Variants in MADD observed in about 807,000 individuals in gnomAD.
MADD encodes MAP kinase activating death domain.
MADD carries 109 observed loss-of-function variants against 176.7 expected under a neutral mutation model. That is an observed-to-expected ratio of 0.62 (90% CI 0.53 to 0.72). MADD has a LOEUF of 0.72. Among genes scored for constraint, MADD ranks in the 30% least tolerant of loss-of-function variants. The probability of loss-of-function intolerance (pLI) is 0.00; values close to 1 mark genes in which losing one functional copy is unlikely to be tolerated. For synonymous variants in MADD, 771 were observed against 771.3 expected (o/e 1.00, Z 0.01); for missense variants, 1,914 against 2,045.5 (o/e 0.94, Z 1.24).
At chr11:47,276,790 C>A in exon 5 of MADD, 1 of 1,614,176 alleles carries the variant, frequency 6.2e-7, no homozygotes, top group South Asian at 1.1e-5. Flanking sequence ...GCATTCGTGG[C>A]AATGATCTAC....
At chr11:47,280,443 A>C (rs1206229286) in intron 7 of MADD, among the ~76,000 whole-genome samples, 1 of 152,190 alleles carries the variant, frequency 6.6e-6, no homozygotes, top group East Asian at 1.9e-4. Context: ...GGGAATTTTA[A>C]GTTCAGAAAG....
At chr11:47,323,248 A>AAG in intron 27 of MADD, among the ~76,000 whole-genome samples, 1 of 151,878 alleles carries the variant, frequency 6.6e-6, no homozygotes, top group East Asian at 1.9e-4. Flanking sequence ...AAAAAAAAAA[A>AAG]AAAAAAATTA....
At chr11:47,314,498 T>C (rs2091950356) in intron 26 of MADD, among the ~76,000 whole-genome samples, 1 of 151,952 alleles carries the variant, frequency 6.6e-6, no homozygotes, top group Non-Finnish European at 1.5e-5. Context: ...TTCCAGGTAC[T>C]TGGGAGGCTG....
chr11:47,290,253 C>G, exon 18 of MADD: 1 of 1,614,142 alleles, frequency 6.2e-7, no homozygotes, highest in Non-Finnish European at 8.5e-7. Context: ...GCATGGCCAG[C>G]ATCTTTGGGC....
chr11:47,289,570 C>CA, intron 16 of MADD, 77 bp downstream of exon 17: 1 of 1,210,974 alleles, frequency 8.3e-7, no homozygotes, highest in South Asian at 1.2e-5. Context: ...TAGGGATGCT[C>CA]AAGAGTGGGA....
chr11:47,273,423 C>G (rs1438017927), intron 1 of MADD, among the ~76,000 whole-genome samples: 2 of 152,178 alleles, frequency 1.3e-5, no homozygotes. Context: ...ACCACAGCCT[C>G]CACCTCCTGG....
At chr11:47,326,462 G>A in intron 30 of MADD, 82 bp from the exon 34 acceptor site, 1 of 1,196,144 alleles carries the variant, frequency 8.4e-7, no homozygotes, top group Non-Finnish European at 1.1e-6. Flanking sequence ...GGCAGCCCAG[G>A]CCAGCAGCAG....
At chr11:47,290,160 G>C in exon 18 of MADD, 1 of 1,614,180 alleles carries the variant, frequency 6.2e-7, no homozygotes, top group South Asian at 1.1e-5. Flanking sequence ...AGATCAGTCG[G>C]AAGGTGTACA....
chr11:47,290,497 T>C (rs1015758241), intron 18 of MADD, 113 bp from the exon 20 acceptor site: 5 of 1,281,926 alleles, frequency 3.9e-6, no homozygotes, highest in Admixed American at 2.3e-5. Context: ...AGCTCATCTT[T>C]CCTTGAACTT....
chr11:47,323,901 T>C lies in MADD; in HGVS notation c.4362+66T>C, dbSNP rs531123367. 66 of 1,554,308 alleles carry C rather than the reference T, an allele frequency of 4.2e-5. No homozygotes were observed. The Middle Eastern group carries it at 8.5e-4, about 20-fold the overall frequency. Reference sequence around the variant, plus strand: ...GAAGACCAAATAGTGAATTTCTCTTTGGGAAGTTAAAATTCCAAAACACAC... The same window carrying C: ...GAAGACCAAATAGTGAATTTCTCTTCGGGAAGTTAAAATTCCAAAACACAC... On this transcript the variant is annotated intron_variant, in intron 28 of 32. Transcript: ENST00000402192.
intron 6 of MADD, 53 bp downstream of exon 6, chr11:47,278,331 A>G: frequency 1.5e-6 from 2 of 1,304,306 alleles, no homozygotes; most frequent in Non-Finnish European, 2.2e-6. Context: ...TGCATTCTAG[A>G]CCCAGTCCTG....
chr11:47,275,694 CAGTA>C (rs2049094366), intron 3 of MADD, among the ~76,000 whole-genome samples: 1 of 152,224 alleles, frequency 6.6e-6, no homozygotes, highest in African/African-American at 2.4e-5. Context: ...GTGGTTAGGA[CAGTA>C]AGTCTTACCC....
chr11:47,285,623 T>A, intron 14 of MADD, 33 bp downstream of exon 14: 1 of 1,613,058 alleles, frequency 6.2e-7, no homozygotes, highest in Non-Finnish European at 8.5e-7. Flanking sequence ...CTCACTCCTG[T>A]GTTCCATTTT....
exon 33 of MADD, chr11:47,329,683 C>T (rs898032655): frequency 6.3e-6 from 1 of 159,022 alleles, no homozygotes. Flanking sequence ...AAGCCGGCAG[C>T]TACTGCCCAG....
intron 19 of MADD, among the ~76,000 whole-genome samples, chr11:47,291,093 T>C (rs532656863): frequency 6.6e-6 from 1 of 152,306 alleles, no homozygotes; most frequent in African/African-American, 2.4e-5. Context: ...GCTGTACTCC[T>C]GGCCCCTCCT....
chr11:47,306,112 C>A (rs1367599009), intron 22 of MADD, among the ~76,000 whole-genome samples: 1 of 152,146 alleles, frequency 6.6e-6, no homozygotes, highest in Non-Finnish European at 1.5e-5. Context: ...CCAGGGAGGC[C>A]TGACTGCTCT....
exon 13 of MADD, chr11:47,285,029 C>T (rs960565635): frequency 8.1e-6 from 13 of 1,614,110 alleles, no homozygotes; most frequent in South Asian, 1.1e-5. Context: ...ATTGGCAAAT[C>T]GAACGTGGAC....
chr11:47,305,354 C>T (rs1247313279), intron 22 of MADD, among the ~76,000 whole-genome samples: 1 of 152,024 alleles, frequency 6.6e-6, no homozygotes, highest in Non-Finnish European at 1.5e-5. Flanking sequence ...TGTAGGTTGC[C>T]CACAGAGCCA....
chr11:47,287,145 G>GA (rs2061272739), intron 15 of MADD, among the ~76,000 whole-genome samples: 1 of 152,180 alleles, frequency 6.6e-6, no homozygotes, highest in Non-Finnish European at 1.5e-5. Context: ...CCAACATGGC[G>GA]AAACGCCGTC....
Sources: gnomAD v4.1 joint callset for allele counts (sites outside exome capture counted in the v4.1 genomes callset) on GRCh38, gnomAD v4.1.1 for gene constraint, MANE v1.5 for transcripts, NCBI Gene and HGNC (gene_info 2026-07-23, HGNC 2026-07-21) for gene names.